SHISA9: variants seen among roughly 807,000 people sequenced by gnomAD.
SHISA9 encodes protein shisa-9.
In SHISA9, 13 loss-of-function variants were observed where a neutral mutation model predicts 38.0. That is an observed-to-expected ratio of 0.34 (90% CI 0.22 to 0.54). The LOEUF (loss-of-function observed/expected upper bound fraction) is 0.54. SHISA9 is among the 20% of genes least tolerant of loss of function. The pLI, the probability that SHISA9 is intolerant of heterozygous loss-of-function variation, is 0.91. For missense variants in SHISA9, 538 were observed against 575.8 expected, an observed-to-expected ratio of 0.93 and a Z score of 0.67; for synonymous variants, 275 against 242.0, an observed-to-expected ratio of 1.14 and a Z score of -1.27.
At chr16:12,982,570 T>C (rs556436710) in intron 2 of SHISA9, among the ~76,000 whole-genome samples, 1 of 152,338 alleles carries the variant, frequency 6.6e-6, no homozygotes, top group South Asian at 2.1e-4. Flanking sequence ...CAGCAGGGCA[T>C]GCATGGTACT....
chr16:13,554,286 T>G, the SHISA9 span, among the ~76,000 whole-genome samples: 1 of 137,492 alleles, frequency 7.3e-6, no homozygotes, highest in Admixed American at 7.9e-5. Flanking sequence ...GGAGATCTAG[T>G]TGCTAGAGAT....
intron 2 of SHISA9, among the ~76,000 whole-genome samples, chr16:13,133,859 G>C (rs1317686057): frequency 1.3e-5 from 2 of 152,148 alleles, no homozygotes; most frequent in Admixed American, 1.3e-4. Context: ...AAATGGAAAT[G>C]GTTCACTTTG....
intron 2 of SHISA9, among the ~76,000 whole-genome samples, chr16:13,119,275 C>T (rs181547506): frequency 6.6e-6 from 1 of 152,258 alleles, no homozygotes; most frequent in East Asian, 1.9e-4. Flanking sequence ...TGCTCAAGGT[C>T]ACACAGGCTG....
In SHISA9 at chr16:13,036,985, CCTTA is replaced by C. The variant is rs1359444212; in HGVS notation, c.691+120174_691+120177del. 5.9e-5 allele frequency among the ~76,000 whole-genome samples: 9 copies of C among 151,896 alleles called. No homozygotes were observed. In the East Asian group the frequency reaches 1.5e-3, roughly 26 times the overall value. On this transcript the variant is annotated intron_variant, in intron 2 of 4. Coordinates refer to ENST00000558583, the MANE Select transcript of SHISA9 (RefSeq NM_001145204.3). Reference sequence around the variant, plus strand: ...CTTGTAAATTAAAGACTATTATTATCCTTACTTTGCAGTTGAGAAATCAGGCATT... The same window carrying C: ...CTTGTAAATTAAAGACTATTATTATCCTTTGCAGTTGAGAAATCAGGCATT...
chr16:13,241,332 C>A (rs954834879), downstream of SHISA9, among the ~76,000 whole-genome samples: 9 of 152,260 alleles, frequency 5.9e-5, no homozygotes, highest in African/African-American at 2.2e-4. Context: ...CGTGGATTAA[C>A]CCCATCTTTA....
chr16:13,377,802 C>T, the SHISA9 span, among the ~76,000 whole-genome samples: 4 of 152,106 alleles, frequency 2.6e-5, no homozygotes, highest in South Asian at 2.1e-4. Context: ...CCAAGGTGGG[C>T]GGATCACTTG....
the SHISA9 span, among the ~76,000 whole-genome samples, chr16:13,342,124 T>C: frequency 6.6e-6 from 1 of 152,162 alleles, no homozygotes; most frequent in African/African-American, 2.4e-5. Flanking sequence ...AAAACTCTTT[T>C]CCAATTCTCT....
chr16:13,148,896 G>A (rs761103521), intron 2 of SHISA9, among the ~76,000 whole-genome samples: 2 of 151,874 alleles, frequency 1.3e-5, no homozygotes, highest in Admixed American at 6.6e-5. Context: ...TAGCTCCCCC[G>A]AGGTTAAATA....
rs1015369498 is a variant in SHISA9, at chr16:13,237,639, G to A, written c.*2230G>A. On this transcript the variant is annotated 3_prime_UTR_variant, in exon 5 of 5. Transcript: ENST00000558583. ...ACCACTGCCCTCTAGCCTGGGTGACGGAGTGAGACTATCTCAAAAAAAAAA... is the reference window on the plus strand; with the variant it reads ...ACCACTGCCCTCTAGCCTGGGTGACAGAGTGAGACTATCTCAAAAAAAAAA... The A allele has an allele frequency of 3.4e-5, 5 of 145,550 alleles. No homozygotes were observed. The highest frequency in any genetic ancestry group is 2.3e-4 in the South Asian group (1 of 4,376). 9.0% of individuals were successfully genotyped at this position (145,550 alleles called of 1,614,324 possible).
At chr16:13,459,385 GT>G in the SHISA9 span, among the ~76,000 whole-genome samples, 1 of 152,140 alleles carries the variant, frequency 6.6e-6, no homozygotes, top group Admixed American at 6.5e-5. Flanking sequence ...CTCCCCTCAA[GT>G]CATCATGCAC....
At chr16:13,031,656 T>A (rs2072992595) in intron 2 of SHISA9, among the ~76,000 whole-genome samples, 1 of 152,214 alleles carries the variant, frequency 6.6e-6, no homozygotes, top group Admixed American at 6.5e-5. Flanking sequence ...TCTGCCTCTC[T>A]GAGCCTCAAT....
At chr16:13,376,739 G>C in the SHISA9 span, among the ~76,000 whole-genome samples, 1 of 152,028 alleles carries the variant, frequency 6.6e-6, no homozygotes, top group Admixed American at 6.5e-5. Flanking sequence ...CATTGCCCAG[G>C]CTGGAGTGCA....
intron 2 of SHISA9, among the ~76,000 whole-genome samples, chr16:12,994,982 T>A (rs2072439913): frequency 6.6e-6 from 1 of 152,162 alleles, no homozygotes. Flanking sequence ...AAAGATATGC[T>A]TTTTTATCGC....
At chr16:13,335,476 A>G in the SHISA9 span, among the ~76,000 whole-genome samples, 1 of 152,140 alleles carries the variant, frequency 6.6e-6, no homozygotes, top group Admixed American at 6.6e-5. Flanking sequence ...GTGCCCATAT[A>G]ACTTTTCATC....
intron 2 of SHISA9, among the ~76,000 whole-genome samples, chr16:12,998,997 T>C (rs2072492183): frequency 6.6e-6 from 1 of 152,228 alleles, no homozygotes; most frequent in African/African-American, 2.4e-5. Flanking sequence ...ATCCAATCAA[T>C]ACATAGCCTG....
At chr16:13,089,903 A>G (rs149243570) in intron 2 of SHISA9, among the ~76,000 whole-genome samples, 1,905 of 152,176 alleles carry the variant, frequency 0.013, 33 homozygotes, top group African/African-American at 0.042. Context: ...TATGGTGTCA[A>G]TTTTAGGTCT....
chr16:13,122,117 G>A (rs1323148544), intron 2 of SHISA9, among the ~76,000 whole-genome samples: 1 of 152,204 alleles, frequency 6.6e-6, no homozygotes, highest in Non-Finnish European at 1.5e-5. Context: ...TCTAGCACAT[G>A]CCTTGCCCAT....
the SHISA9 span, among the ~76,000 whole-genome samples, chr16:13,514,310 A>G: frequency 2.6e-5 from 4 of 152,184 alleles, no homozygotes; most frequent in Non-Finnish European, 4.4e-5. Context: ...TTAAATTTAA[A>G]AAAAGGAAAA....
chr16:13,254,963 T>C, the SHISA9 span, among the ~76,000 whole-genome samples: 6 of 152,184 alleles, frequency 3.9e-5, no homozygotes, highest in Non-Finnish European at 8.8e-5. Context: ...AAAGTATCTG[T>C]TCCCCTCACC....
Sources: allele counts gnomAD v4.1 joint callset (sites outside exome capture counted in the v4.1 genomes callset), GRCh38; gene constraint gnomAD v4.1.1; transcripts MANE v1.5; gene names NCBI Gene and HGNC (gene_info 2026-07-23, HGNC 2026-07-21).